Variants in POLN observed in about 807,000 individuals in gnomAD.
The protein encoded by POLN is DNA polymerase N.
In POLN, 108 loss-of-function variants were observed where a neutral mutation model predicts 113.5. The ratio of observed to expected loss-of-function variants is 0.95; its 90% CI spans 0.81 to 1.12. The LOEUF is 1.12. Ranked by LOEUF, POLN falls within the 50% of genes most tolerant of loss-of-function variation. POLN has a pLI of 0.00. For missense variants in POLN, 1,097 were observed against 1,077.1 expected, an observed-to-expected ratio of 1.02 and a Z score of -0.26; for synonymous variants, 386 against 391.5, an observed-to-expected ratio of 0.99 and a Z score of 0.17.
chr4:2,218,277 CAAAA>C (rs376746658), intron 3 of POLN, among the ~76,000 whole-genome samples: 5 of 89,800 alleles, frequency 5.6e-5, no homozygotes, highest in African/African-American at 1.5e-4. Flanking sequence ...ACTAAAAATA[CAAAA>C]AAAAAAAAAA....
chr4:2,097,235 G>A (rs979667985), intron 19 of POLN, among the ~76,000 whole-genome samples: 5 of 152,260 alleles, frequency 3.3e-5, no homozygotes, highest in African/African-American at 9.6e-5. Flanking sequence ...ACTTCTTTTC[G>A]AGTAAGGTGT....
At chr4:2,200,390 G>T (rs997903548) in intron 5 of POLN, among the ~76,000 whole-genome samples, 1 of 152,172 alleles carries the variant, frequency 6.6e-6, no homozygotes, top group African/African-American at 2.4e-5. Flanking sequence ...GTGAACTTTT[G>T]CTCTAGAATG....
intron 4 of POLN, among the ~76,000 whole-genome samples, chr4:2,211,261 A>G (rs1313522393): frequency 1.6e-5 from 2 of 125,802 alleles, no homozygotes; most frequent in Non-Finnish European, 3.3e-5. Context: ...AATAATAATA[A>G]TAATAATAAT....
At chr4:2,120,251 A>G (rs943442094) in intron 19 of POLN, among the ~76,000 whole-genome samples, 6 of 152,124 alleles carry the variant, frequency 3.9e-5, no homozygotes, top group African/African-American at 1.4e-4. Context: ...CTTTTCATAT[A>G]CATTTTAGAC....
chr4:2,081,586 C>T, intron 22 of POLN, 47 bp downstream of exon 22: 2 of 1,591,494 alleles, frequency 1.3e-6, no homozygotes, highest in Non-Finnish European at 1.7e-6. Flanking sequence ...CTGCTAAAAC[C>T]CAAGAAGCAA....
At position 2,171,173 on chromosome 4, in the gene POLN, G is replaced by A; in HGVS notation, c.1383C>T (p.Leu461=). ...EKTSALLGAR[L]KELEQEAHFV... Reference sequence around the variant, plus strand: ...AATGAGCTTCTTGCTCCAATTCCTTGAGACGAGCCTGAAAATATGATACAC... The same window carrying A: ...AATGAGCTTCTTGCTCCAATTCCTTAAGACGAGCCTGAAAATATGATACAC... The change falls in exon 12 of 26, where the codon CTC becomes CTT. Residue 461 remains leucine (L), a synonymous_variant. Coordinates refer to ENST00000511885, the MANE Select transcript of POLN (RefSeq NM_181808.4). The A allele has an allele frequency of 1.2e-6, 2 of 1,612,596 alleles. No individual in the cohort carries two copies. The highest frequency in any genetic ancestry group is 1.7e-6 in the Non-Finnish European group (2 of 1,179,292).
intron 2 of POLN, among the ~76,000 whole-genome samples, chr4:2,237,577 A>C (rs1734811883): frequency 6.6e-6 from 1 of 152,186 alleles, no homozygotes; most frequent in Non-Finnish European, 1.5e-5. Flanking sequence ...TTGAAACGGA[A>C]GACCTAGATC....
chr4:2,232,016 A>T, intron 2 of POLN: 1 of 1,505,886 alleles, frequency 6.6e-7, no homozygotes, highest in Non-Finnish European at 9.2e-7. Context: ...TTTAAAAAAT[A>T]TACATAGAAT....
chr4:2,078,502 T>A, intron 23 of POLN: 9 of 687,042 alleles, frequency 1.3e-5, no homozygotes, highest in Non-Finnish European at 1.4e-5. Context: ...AGACAGACTC[T>A]CGCTCTCGCC....
At chr4:2,163,039 A>C (rs868813729) in intron 13 of POLN, among the ~76,000 whole-genome samples, 48 of 151,590 alleles carry the variant, frequency 3.2e-4, no homozygotes, top group Non-Finnish European at 6.6e-4. Flanking sequence ...AAAAAAAAAA[A>C]AAAAAAAAAA....
chr4:2,193,440 A>G (rs1577759294), intron 6 of POLN, 124 bp from the exon 7 acceptor site: 1 of 597,248 alleles, frequency 1.7e-6, no homozygotes, highest in East Asian at 3.2e-5. Flanking sequence ...TTCACTAAAG[A>G]ATTCCAAGAG....
At chr4:2,098,498 T>C (rs1385792016) in intron 19 of POLN, among the ~76,000 whole-genome samples, 1 of 152,188 alleles carries the variant, frequency 6.6e-6, no homozygotes, top group Non-Finnish European at 1.5e-5. Context: ...AAATGTATCA[T>C]AGAGGTCTTG....
Position 2,115,079 on chromosome 4 carries a change from G to A in POLN, c.1982+13034C>T, listed in dbSNP as rs567790163. ...TGTTTGTTTTTTGAGATGGAGTCTCGCTCTGTAGCTCAGGCTGGACTGCAA... is the reference window on the plus strand; with the variant it reads ...TGTTTGTTTTTTGAGATGGAGTCTCACTCTGTAGCTCAGGCTGGACTGCAA... On this transcript the variant is annotated intron_variant, in intron 19 of 25. Transcript: ENST00000511885. Among the ~76,000 whole-genome samples, 31 of 151,164 alleles carry A rather than the reference G, an allele frequency of 2.1e-4. No homozygotes were observed. The East Asian group carries it at 3.5e-3, about 17-fold the overall frequency.
At chr4:2,237,899 T>G (rs555872280) in intron 2 of POLN, among the ~76,000 whole-genome samples, 9 of 152,320 alleles carry the variant, frequency 5.9e-5, no homozygotes, top group Non-Finnish European at 1.3e-4. Context: ...ATTAGTCTTA[T>G]AGATGTAACT....
At chr4:2,123,633 A>G (rs192473091) in intron 19 of POLN, among the ~76,000 whole-genome samples, 3,513 of 150,694 alleles carry the variant, frequency 0.023, 57 homozygotes, top group Middle Eastern at 0.065. Context: ...TCAAAAAAAA[A>G]AAAAAAAAAA....
intron 20 of POLN, among the ~76,000 whole-genome samples, chr4:2,091,839 C>T (rs1464113004): frequency 6.6e-6 from 1 of 151,214 alleles, no homozygotes; most frequent in Non-Finnish European, 1.5e-5. Context: ...GGACAGTCTT[C>T]ACTCCCTTCA....
intron 7 of POLN, among the ~76,000 whole-genome samples, chr4:2,183,630 A>C (rs1733196633): frequency 6.6e-6 from 1 of 152,156 alleles, no homozygotes; most frequent in African/African-American, 2.4e-5. Flanking sequence ...AGAGACAAAA[A>C]ACCACAGATT....
intron 5 of POLN, among the ~76,000 whole-genome samples, chr4:2,200,406 A>G (rs1270577299): frequency 6.6e-6 from 1 of 152,220 alleles, no homozygotes; most frequent in African/African-American, 2.4e-5. Context: ...GAATGACTAC[A>G]AGAATAAATC....
At chr4:2,170,599 G>A (rs759014416) in intron 13 of POLN, 80 bp downstream of exon 13, 1 of 1,226,310 alleles carries the variant, frequency 8.2e-7, no homozygotes, top group Non-Finnish European at 1.2e-6. Flanking sequence ...GAGAGTCTCG[G>A]GTGGGTCTGA....
Sources: gnomAD v4.1 joint callset for allele counts (sites outside exome capture counted in the v4.1 genomes callset) on GRCh38, gnomAD v4.1.1 for gene constraint, MANE v1.5 for transcripts, NCBI Gene and HGNC (gene_info 2026-07-23, HGNC 2026-07-21) for gene names.